The following RPTOR variants were observed in gnomAD, a reference collection of about 807,000 sequenced individuals.
RPTOR encodes regulatory associated protein of MTOR complex 1, also known as regulatory-associated protein of mTOR.
Under a neutral mutation model 169.9 loss-of-function variants are expected in RPTOR, and 21 were observed. The ratio of observed to expected loss-of-function variants is 0.12; its 90% CI spans 0.09 to 0.18. The LOEUF (loss-of-function observed/expected upper bound fraction) is 0.18. Among genes scored for constraint, RPTOR ranks in the 10% least tolerant of loss-of-function variants. The probability of loss-of-function intolerance (pLI) is 1.00; values close to 1 mark genes in which losing one functional copy is unlikely to be tolerated. For synonymous variants in RPTOR, 732 were observed against 753.2 expected, an observed-to-expected ratio of 0.97 and a Z score of 0.46; for missense variants, 1,133 against 1,855.9, an observed-to-expected ratio of 0.61 and a Z score of 7.16.
intron 13 of RPTOR, among the ~76,000 whole-genome samples, chr17:80,870,250 A>T (rs908949900): frequency 6.6e-6 from 1 of 152,218 alleles, no homozygotes; most frequent in Non-Finnish European, 1.5e-5. Context: ...TTCATGAAGT[A>T]AATCCAGATT....
At chr17:80,554,013 A>G (rs779384744) in intron 1 of RPTOR, among the ~76,000 whole-genome samples, 14 of 152,074 alleles carry the variant, frequency 9.2e-5, no homozygotes, top group Non-Finnish European at 1.6e-4. Flanking sequence ...AAGTGCTGGG[A>G]TTACAGGGGT....
intron 7 of RPTOR, chr17:80,804,856 G>A (rs556792446): frequency 1.3e-5 from 2 of 152,376 alleles, no homozygotes; most frequent in Non-Finnish European, 2.9e-5. Flanking sequence ...TGGTCTCAAA[G>A]GGCGGGTTCC....
intron 3 of RPTOR, among the ~76,000 whole-genome samples, chr17:80,676,955 T>C (rs76890802): frequency 0.012 from 1,825 of 152,214 alleles, 40 homozygotes; most frequent in African/African-American, 0.042. Context: ...AATAATCAGT[T>C]TCAGGTAGAT....
At chr17:80,713,381 A>G (rs981858856) in intron 4 of RPTOR, among the ~76,000 whole-genome samples, 2 of 152,176 alleles carry the variant, frequency 1.3e-5, no homozygotes, top group South Asian at 2.1e-4. Context: ...GTGTTTCGCA[A>G]ATATGTCCAC....
At chr17:80,930,893 G>A (rs1265810152) in intron 24 of RPTOR, among the ~76,000 whole-genome samples, 1 of 152,242 alleles carries the variant, frequency 6.6e-6, no homozygotes, top group East Asian at 1.9e-4. Flanking sequence ...TGGCTGTAGT[G>A]CCAGCGCCTG....
At chr17:80,702,264 G>A (rs992575285) in intron 3 of RPTOR, among the ~76,000 whole-genome samples, 3 of 151,560 alleles carry the variant, frequency 2.0e-5, no homozygotes, top group Non-Finnish European at 2.9e-5. Context: ...TCTTTTCTTC[G>A]GTTATTCATT....
chr17:80,717,528 C>T (rs193289038), intron 4 of RPTOR, among the ~76,000 whole-genome samples: 1 of 152,218 alleles, frequency 6.6e-6, no homozygotes, highest in East Asian at 1.9e-4. Flanking sequence ...CGTGGCATGC[C>T]ACCGGAGACA....
At chr17:80,866,437 T>C (rs1335654128) in intron 13 of RPTOR, among the ~76,000 whole-genome samples, 2 of 151,970 alleles carry the variant, frequency 1.3e-5, no homozygotes, top group Admixed American at 1.3e-4. Flanking sequence ...CCAAAGGAAA[T>C]GATACAAATC....
At chr17:80,740,329 G>A (rs957993928) in intron 5 of RPTOR, among the ~76,000 whole-genome samples, 1 of 152,178 alleles carries the variant, frequency 6.6e-6, no homozygotes, top group Non-Finnish European at 1.5e-5. Flanking sequence ...GGAGACTATT[G>A]CCAAATATTT....
Position 80,598,643 on chromosome 17 carries a change from G to C in RPTOR, c.163-27048G>C, listed in dbSNP as rs529844962. ...TCTGCCGCAGTCTGCGAGGCTTCTG[G>C]AGGGCCTCGTGAGCTTGCAGCTCTG... On this transcript the variant is annotated intron_variant, in intron 1 of 33. Transcript: ENST00000306801. 1.2e-3 allele frequency among the ~76,000 whole-genome samples: 178 copies of C among 152,306 alleles called. 1 individual carries two copies. The highest frequency in any genetic ancestry group is 4.2e-3 in the African/African-American group (174 of 41,570).
intron 6 of RPTOR, among the ~76,000 whole-genome samples, chr17:80,760,250 AAT>A (rs1330652630): frequency 6.6e-6 from 1 of 151,744 alleles, no homozygotes; most frequent in Non-Finnish European, 1.5e-5. Flanking sequence ...AGCCACAGGC[AAT>A]ATATAAACAA....
At chr17:80,814,755 G>A (rs2067306917) in intron 7 of RPTOR, among the ~76,000 whole-genome samples, 1 of 152,172 alleles carries the variant, frequency 6.6e-6, no homozygotes, top group African/African-American at 2.4e-5. Context: ...AAAGAATGTA[G>A]TCCTCACTTT....
chr17:80,833,153 A>T (rs1396057770), intron 9 of RPTOR, among the ~76,000 whole-genome samples: 1 of 152,068 alleles, frequency 6.6e-6, no homozygotes, highest in Admixed American at 6.5e-5. Context: ...GGCTGTGCGG[A>T]CTTGGACTTG....
At chr17:80,954,312 G>A (rs1482248252) in intron 28 of RPTOR, among the ~76,000 whole-genome samples, 2 of 152,290 alleles carry the variant, frequency 1.3e-5, no homozygotes, top group Middle Eastern at 3.4e-3. Flanking sequence ...AGTAGAGACG[G>A]TGTTTCACTA....
intron 1 of RPTOR, among the ~76,000 whole-genome samples, chr17:80,559,949 A>T (rs149968494): frequency 2.6e-5 from 4 of 152,232 alleles, no homozygotes; most frequent in Non-Finnish European, 5.9e-5. Context: ...CTGTCTAGAA[A>T]TGTCAGCATT....
At chr17:80,910,943 G>C (rs2068605290) in intron 21 of RPTOR, among the ~76,000 whole-genome samples, 2 of 151,306 alleles carry the variant, frequency 1.3e-5, no homozygotes, top group African/African-American at 4.9e-5. Flanking sequence ...CAGTTCTGCT[G>C]CCTCAGCCTC....
At chr17:80,921,976 C>T (rs2068750498) in intron 21 of RPTOR, among the ~76,000 whole-genome samples, 3 of 152,286 alleles carry the variant, frequency 2.0e-5, no homozygotes, top group South Asian at 4.2e-4. Flanking sequence ...ATGTTAAGGG[C>T]GGTCTTGAGT....
chr17:80,654,174 G>A (rs2065662316), intron 3 of RPTOR, among the ~76,000 whole-genome samples: 1 of 152,228 alleles, frequency 6.6e-6, no homozygotes, highest in Non-Finnish European at 1.5e-5. Context: ...TAGGCCAGGG[G>A]GTCGCACCCT....
At position 80,892,788 on chromosome 17, in the gene RPTOR, A is replaced by G; in HGVS notation, c.2161A>G (p.Ser721Gly). ...SPCTPRLRSV[S>G]SYGNIRAVAT... ...GTGCACCCCCAGACTTCGTTCTGTGAGCTCCTATGGAAACATCCGTGCTGT... is the reference window on the plus strand; with the variant it reads ...GTGCACCCCCAGACTTCGTTCTGTGGGCTCCTATGGAAACATCCGTGCTGT... The change falls in exon 19 of 34, where the codon AGC (serine) becomes GGC (glycine). Residue 721 changes from serine (S) to glycine (G), a missense_variant. Around this residue, in one of 9 missense-constraint regions of RPTOR, gnomAD observed 150 missense variants for 206.4 expected, o/e 0.73. Coordinates refer to ENST00000306801, the MANE Select transcript of RPTOR (RefSeq NM_020761.3). 1 of 1,614,214 alleles carries G rather than the reference A, an allele frequency of 6.2e-7. No homozygotes were observed. The highest frequency in any genetic ancestry group is 8.5e-7 in the Non-Finnish European group (1 of 1,180,024).
Sources: gnomAD v4.1 joint callset for allele counts (sites outside exome capture counted in the v4.1 genomes callset) on GRCh38, gnomAD v4.1.1 for gene constraint, gnomAD v4.1.1 regional missense constraint, MANE v1.5 for transcripts, NCBI Gene and HGNC (gene_info 2026-07-23, HGNC 2026-07-21) for gene names.